EIF4E2: variants seen among roughly 807,000 people sequenced by gnomAD.
EIF4E2 encodes eukaryotic translation initiation factor 4E type 2.
EIF4E2 carries 13 observed loss-of-function variants against 34.2 expected under a neutral mutation model. The observed-to-expected ratio is 0.38, with a 90% CI of 0.25 to 0.60. EIF4E2 has a LOEUF of 0.60. EIF4E2 is among the 20% of genes least tolerant of loss of function. The pLI is 0.62. For missense variants in EIF4E2, 222 were observed against 315.1 expected (o/e 0.70, Z 2.24); for synonymous variants, 100 against 106.6 (o/e 0.94, Z 0.38).
At chr2:232,576,247 G>A (rs1693216196) in intron 6 of EIF4E2, among the ~76,000 whole-genome samples, 1 of 151,768 alleles carries the variant, frequency 6.6e-6, no homozygotes, top group Non-Finnish European at 1.5e-5. Flanking sequence ...GATTTTAAAA[G>A]GTTTTGTCAT....
chr2:232,567,426 A>G, intron 6 of EIF4E2: 1 of 1,365,430 alleles, frequency 7.3e-7, no homozygotes, highest in Non-Finnish European at 9.4e-7. Flanking sequence ...TAGCAGAGAG[A>G]GCCCATCTGC....
At chr2:232,565,915 A>T (rs1161875436) in intron 4 of EIF4E2, among the ~76,000 whole-genome samples, 1 of 151,276 alleles carries the variant, frequency 6.6e-6, no homozygotes, top group Non-Finnish European at 1.5e-5. Flanking sequence ...AATATGGTGA[A>T]ACCCTGTCTC....
At chr2:232,564,949 G>T (rs3791717) in intron 4 of EIF4E2, among the ~76,000 whole-genome samples, 1 of 152,168 alleles carries the variant, frequency 6.6e-6, no homozygotes, top group Non-Finnish European at 1.5e-5. Flanking sequence ...TATCCTTATA[G>T]AACTTGTTTG....
chr2:232,559,967 G>A (rs1276248347), intron 3 of EIF4E2, among the ~76,000 whole-genome samples: 3 of 152,104 alleles, frequency 2.0e-5, no homozygotes, highest in Admixed American at 2.0e-4. Flanking sequence ...CTCTAGCCTG[G>A]GCAACAGAGA....
chr2:232,576,182 A>C (rs1381496560), intron 6 of EIF4E2, among the ~76,000 whole-genome samples: 1 of 148,962 alleles, frequency 6.7e-6, no homozygotes, highest in Non-Finnish European at 1.5e-5. Flanking sequence ...CCAGCCTGGC[A>C]ACAGAGCGAG....
intron 4 of EIF4E2, among the ~76,000 whole-genome samples, chr2:232,564,771 C>T (rs1692860333): frequency 6.6e-6 from 1 of 152,188 alleles, no homozygotes; most frequent in South Asian, 2.1e-4. Context: ...GTTTTAAAGT[C>T]TCTCAAAACT....
chr2:232,581,530 C>T lies in EIF4E2; in HGVS notation c.*587C>T, dbSNP rs557831071. The T allele has an allele frequency of 4.5e-5, 9 of 199,770 alleles. No homozygotes were observed. The highest frequency in any genetic ancestry group is 3.3e-4 in the South Asian group (4 of 12,012). The allele number at this position is 199,770 out of a possible 1,614,324, so 12.4% of individuals were successfully genotyped here. A position where few individuals can be genotyped will look rare whatever the true frequency, so the allele number is the denominator to read the frequency against. On this transcript the variant is annotated 3_prime_UTR_variant, in exon 7 of 7. Coordinates refer to the EIF4E2 transcript ENST00000409098. This position sits in a 1 kb window ranked among gnomAD's most constrained non-coding sequence, Gnocchi z 5.2. The stretch of plus-strand genomic sequence containing the variant: ...GTATCATCCCCTGCCTTATGCCCTC[C>T]GGTCTCCTCTCCTGTGGGACTCTCT...
chr2:232,580,628 G>A (rs1423814689), intron 6 of EIF4E2, among the ~76,000 whole-genome samples: 2 of 152,150 alleles, frequency 1.3e-5, no homozygotes, highest in South Asian at 2.1e-4. Context: ...TTATTTCTAC[G>A]AATGTGCCCT....
intron 3 of EIF4E2, chr2:232,558,544 C>G (rs1692602874): frequency 6.6e-6 from 1 of 151,652 alleles, no homozygotes; most frequent in Non-Finnish European, 1.5e-5. Flanking sequence ...CTTGGCCTCC[C>G]AAAAGGCTGG....
chr2:232,572,392 G>C (rs150170617), downstream of EIF4E2, among the ~76,000 whole-genome samples: 1,966 of 152,166 alleles, frequency 0.013, 55 homozygotes, highest in African/African-American at 0.045. Flanking sequence ...CTGAGATGGA[G>C]TCTCACTCTG....
At chr2:232,570,816 A>G (rs1693073499), downstream of EIF4E2, among the ~76,000 whole-genome samples, 1 of 152,166 alleles carries the variant, frequency 6.6e-6, no homozygotes, top group Non-Finnish European at 1.5e-5. Flanking sequence ...GGTGCCTATA[A>G]TCTCAGCTGC....
chr2:232,564,283 C>T lies in EIF4E2; in HGVS notation c.307C>T (p.Arg103Cys), dbSNP rs142409429. ...QFWRFYSHMV[R>C]PGDLTGHSDF... ...CTGGAGGTTTTATAGCCACATGGTA[C>T]GTCCTGGGGACCTGACAGGCCACAG... Residue 103 changes from arginine (R) to cysteine (C), a missense_variant, in exon 4 of 7, where the codon CGT becomes TGT. By Grantham distance (180) the Arg-to-Cys change is radical. Coordinates refer to ENST00000258416, the MANE Select transcript of EIF4E2 (RefSeq NM_004846.4). 5.0e-6 allele frequency: 8 copies of T among 1,599,244 alleles called. No homozygotes were observed. The highest frequency in any genetic ancestry group is 1.1e-5 in the South Asian group (1 of 88,236).
downstream of EIF4E2, among the ~76,000 whole-genome samples, chr2:232,572,427 G>A (rs759533090): frequency 1.1e-4 from 17 of 152,088 alleles, no homozygotes; most frequent in African/African-American, 1.9e-4. Flanking sequence ...GTGCAGTGGC[G>A]CGATCTCTGC....
downstream of EIF4E2, chr2:232,569,685 A>G (rs1693045354): frequency 6.6e-6 from 1 of 152,238 alleles, no homozygotes; most frequent in African/African-American, 2.4e-5. Context: ...CGCTGGTGCC[A>G]AAGCTGCCCA....
Position 232,557,764 on chromosome 2 carries a change from T to C in EIF4E2, c.136-120T>C, listed in dbSNP as rs1692575380. The stretch of plus-strand genomic sequence containing the variant: ...AGAATCTTTGGCACATTGCAGATAG[T>C]TGAGGTTGTATATCCTTTTTTAATT... On this transcript the variant is annotated intron_variant, in intron 2 of 6. Transcript: ENST00000258416. The C allele has an allele frequency of 1.0e-5, 12 of 1,144,364 alleles. 1 individual carries two copies. The South Asian group carries it at 1.6e-4, about 15-fold the overall frequency. The allele number at this position is 1,144,364 out of a possible 1,614,324, so 70.9% of individuals were successfully genotyped here.
At chr2:232,558,079 T>A in intron 3 of EIF4E2, 61 bp downstream of exon 3, 2 of 1,569,460 alleles carry the variant, frequency 1.3e-6, no homozygotes, top group Non-Finnish European at 1.7e-6. Context: ...TGTATTGATA[T>A]GATGTTTATT....
intron 6 of EIF4E2, chr2:232,568,240 T>C (rs1178497164): frequency 2.0e-6 from 2 of 985,256 alleles, no homozygotes; most frequent in East Asian, 2.3e-4. Context: ...AGACAGACCA[T>C]TTGGGAATCT....
intron 6 of EIF4E2, 119 bp downstream of exon 6, chr2:232,567,333 G>A: frequency 6.6e-7 from 1 of 1,519,556 alleles, no homozygotes; most frequent in Admixed American, 2.2e-5. Flanking sequence ...GGACAGACCA[G>A]GCCTTCCCTC....
At chr2:232,571,374 AG>A (rs1369197252), downstream of EIF4E2, among the ~76,000 whole-genome samples, 4 of 152,236 alleles carry the variant, frequency 2.6e-5, no homozygotes, top group Non-Finnish European at 1.5e-5. Flanking sequence ...GAGTTTTCAT[AG>A]ATGTGGGTTC....
Sources: gnomAD v4.1 joint callset for allele counts (sites outside exome capture counted in the v4.1 genomes callset) on GRCh38, gnomAD v4.1.1 for gene constraint, Gnocchi (gnomAD v3.1) non-coding constraint, MANE v1.5 for transcripts, NCBI Gene and HGNC (gene_info 2026-07-23, HGNC 2026-07-21) for gene names.